Variants in PPFIA2 observed in about 807,000 individuals in gnomAD.
The protein encoded by PPFIA2 is liprin-alpha-2.
A neutral mutation model predicts 175.5 loss-of-function variants in PPFIA2; 46 were observed. That is an observed-to-expected ratio of 0.26 (90% CI 0.21 to 0.34). PPFIA2 has a LOEUF of 0.34. PPFIA2 is among the 10% of genes least tolerant of loss of function. The pLI, the probability that PPFIA2 is intolerant of heterozygous loss-of-function variation, is 1.00. For synonymous variants in PPFIA2, 568 were observed against 511.4 expected (o/e 1.11, Z -1.49); for missense variants, 1,179 against 1,506.1 (o/e 0.78, Z 3.60).
intron 3 of PPFIA2, among the ~76,000 whole-genome samples, chr12:81,717,863 C>T (rs577605640): frequency 1.3e-5 from 2 of 151,438 alleles, no homozygotes; most frequent in South Asian, 4.2e-4. Context: ...CAAGGCAAAA[C>T]ATAAAAAAAA....
At chr12:81,537,846 A>G (rs2065635269) in intron 4 of PPFIA2, among the ~76,000 whole-genome samples, 1 of 151,830 alleles carries the variant, frequency 6.6e-6, no homozygotes, top group South Asian at 2.1e-4. Flanking sequence ...GGCTGGCTAA[A>G]AGGAATCTCA....
chr12:81,390,935 T>G (rs923889258), intron 8 of PPFIA2, among the ~76,000 whole-genome samples: 1 of 151,732 alleles, frequency 6.6e-6, no homozygotes, highest in African/African-American at 2.4e-5. Flanking sequence ...TCAAATACAA[T>G]GGTGTCTCAT....
chr12:81,535,782 C>A (rs562348269), intron 4 of PPFIA2, among the ~76,000 whole-genome samples: 2 of 151,670 alleles, frequency 1.3e-5, no homozygotes, highest in African/African-American at 2.4e-5. Context: ...GGAAAATTTA[C>A]AGGAATGTAT....
intron 7 of PPFIA2, among the ~76,000 whole-genome samples, chr12:81,438,708 T>A (rs752092601): frequency 6.6e-6 from 1 of 152,170 alleles, no homozygotes; most frequent in Non-Finnish European, 1.5e-5. Flanking sequence ...GTACATACTT[T>A]GGGGGTACTT....
chr12:81,672,123 T>G (rs1279511933), intron 4 of PPFIA2, among the ~76,000 whole-genome samples: 1 of 151,884 alleles, frequency 6.6e-6, no homozygotes, highest in East Asian at 1.9e-4. Flanking sequence ...ATATTGAATT[T>G]GAAATAAACA....
At chr12:81,733,723 T>C (rs988534653) in intron 3 of PPFIA2, among the ~76,000 whole-genome samples, 1 of 151,768 alleles carries the variant, frequency 6.6e-6, no homozygotes, top group Non-Finnish European at 1.5e-5. Flanking sequence ...CTCTTATTCA[T>C]TTTCTGTCAT....
At chr12:81,607,676 T>A (rs1239052454) in intron 4 of PPFIA2, among the ~76,000 whole-genome samples, 1 of 152,148 alleles carries the variant, frequency 6.6e-6, no homozygotes, top group Non-Finnish European at 1.5e-5. Flanking sequence ...AAGTCACTTA[T>A]CATTTCTAGT....
At chr12:81,449,965 G>C (rs189735341) in intron 5 of PPFIA2, among the ~76,000 whole-genome samples, 2 of 151,666 alleles carry the variant, frequency 1.3e-5, no homozygotes, top group Non-Finnish European at 2.9e-5. Flanking sequence ...CAAAGGACAT[G>C]GACTCATCCT....
At chr12:81,619,514 A>G (rs1443129529) in intron 4 of PPFIA2, among the ~76,000 whole-genome samples, 6 of 152,220 alleles carry the variant, frequency 3.9e-5, no homozygotes, top group Non-Finnish European at 7.3e-5. Context: ...TAGTAAAAAA[A>G]TCTGTTACTT....
At chr12:81,701,181 A>G (rs780677379) in intron 3 of PPFIA2, among the ~76,000 whole-genome samples, 3 of 152,150 alleles carry the variant, frequency 2.0e-5, no homozygotes, top group African/African-American at 4.8e-5. Context: ...GGTGCACAAT[A>G]CAAAGGATTG....
At chr12:81,755,399 G>A (rs1242431821) in intron 2 of PPFIA2, among the ~76,000 whole-genome samples, 1 of 152,146 alleles carries the variant, frequency 6.6e-6, no homozygotes. Context: ...TGTAAAGAAA[G>A]GCAGGTTTGG....
intron 4 of PPFIA2, among the ~76,000 whole-genome samples, chr12:81,510,379 C>T (rs999124471): frequency 4.5e-4 from 68 of 152,000 alleles, no homozygotes; most frequent in Non-Finnish European, 3.1e-4. Flanking sequence ...AACTCAAACT[C>T]GTTTTACATT....
In PPFIA2 at chr12:81,347,455, C is replaced by T. The variant is rs1595254449; in HGVS notation, c.2232+78G>A. On this transcript the variant is annotated intron_variant, in intron 18 of 32. Coordinates refer to ENST00000549396, the MANE Select transcript of PPFIA2 (RefSeq NM_003625.5). ...TACACAGAAAGTACTTAGACTAGAA[C>T]AAACACCCAGTTAAGTTTTAGCTAA... The T allele has an allele frequency of 4.8e-6, 6 of 1,240,256 alleles. No homozygotes were observed. In the East Asian group the frequency reaches 1.4e-4, roughly 29 times the overall value. 76.8% of individuals were successfully genotyped at this position (1,240,256 alleles called of 1,614,324 possible).
intron 4 of PPFIA2, among the ~76,000 whole-genome samples, chr12:81,475,129 A>G (rs2057314420): frequency 6.6e-6 from 1 of 152,206 alleles, no homozygotes; most frequent in Non-Finnish European, 1.5e-5. Context: ...CTTTAATTCT[A>G]TTCTGTCATA....
chr12:81,305,678 C>T lies in PPFIA2; in HGVS notation c.2643-6296G>A, dbSNP rs2048964010. 3.9e-5 allele frequency among the ~76,000 whole-genome samples: 6 copies of T among 152,244 alleles called. No homozygotes were observed. The South Asian group carries it at 1.2e-3, about 32-fold the overall frequency. On this transcript the variant is annotated intron_variant, in intron 22 of 32. Coordinates refer to ENST00000549396, the MANE Select transcript of PPFIA2 (RefSeq NM_003625.5). The stretch of plus-strand genomic sequence containing the variant: ...TATCATGTGCAAGACTCTGGTAGGC[C>T]GTTCACCGTATGTACACAGCCTTAT...
At chr12:81,592,631 T>A (rs2058799750) in intron 4 of PPFIA2, among the ~76,000 whole-genome samples, 1 of 152,162 alleles carries the variant, frequency 6.6e-6, no homozygotes. Flanking sequence ...CCTACTGCCA[T>A]CCACTTAAGA....
chr12:81,636,300 C>G (rs924251747), intron 4 of PPFIA2, among the ~76,000 whole-genome samples: 9 of 137,468 alleles, frequency 6.5e-5, no homozygotes, highest in Non-Finnish European at 1.2e-4. Context: ...GAGTCTCGCT[C>G]TGTCGCCCAG....
chr12:81,262,482 G>T (rs1175815290), intron 31 of PPFIA2, among the ~76,000 whole-genome samples: 1 of 152,142 alleles, frequency 6.6e-6, no homozygotes, highest in African/African-American at 2.4e-5. Flanking sequence ...CACAGTTTAT[G>T]TTGGAACTAA....
intron 3 of PPFIA2, among the ~76,000 whole-genome samples, chr12:81,722,084 C>G (rs1423342135): frequency 6.6e-6 from 1 of 150,964 alleles, no homozygotes; most frequent in Admixed American, 6.6e-5. Context: ...TCATAGGACA[C>G]TTTCCTCAGG....
Sources: allele counts gnomAD v4.1 joint callset (sites outside exome capture counted in the v4.1 genomes callset), GRCh38; gene constraint gnomAD v4.1.1; transcripts MANE v1.5; gene names NCBI Gene and HGNC (gene_info 2026-07-23, HGNC 2026-07-21).